Variants in DLG2 observed in about 807,000 individuals in gnomAD.
DLG2 encodes discs large MAGUK scaffold protein 2, also known as disks large homolog 2.
In DLG2, 45 loss-of-function variants were observed where a neutral mutation model predicts 132.5. The observed-to-expected ratio is 0.34, with a 90% CI of 0.27 to 0.44. The LOEUF (loss-of-function observed/expected upper bound fraction) is 0.44. DLG2 is among the 20% of genes least tolerant of loss of function. The probability of loss-of-function intolerance (pLI) is 1.00; values close to 1 mark genes in which losing one functional copy is unlikely to be tolerated. For missense variants in DLG2, 1,045 were observed against 1,196.9 expected (o/e 0.87, Z 1.87); for synonymous variants, 424 against 419.6 (o/e 1.01, Z -0.13).
intron 3 of DLG2, among the ~76,000 whole-genome samples, chr11:85,431,412 A>T (rs949196772): frequency 1.3e-5 from 2 of 152,180 alleles, no homozygotes; most frequent in East Asian, 3.9e-4. Context: ...CAACCCATGG[A>T]TCAGAAGATC....
chr11:83,486,560 A>G (rs1389394125), intron 21 of DLG2, among the ~76,000 whole-genome samples: 2 of 152,238 alleles, frequency 1.3e-5, no homozygotes, highest in East Asian at 1.9e-4. Context: ...TATGTTTCAA[A>G]GCAAGGACTA....
chr11:84,381,142 A>C (rs2098747864), intron 7 of DLG2, among the ~76,000 whole-genome samples: 1 of 152,068 alleles, frequency 6.6e-6, no homozygotes, highest in Non-Finnish European at 1.5e-5. Context: ...AAAATGACAA[A>C]TTTCCTGACA....
chr11:84,713,995 C>T (rs547180708), intron 6 of DLG2, among the ~76,000 whole-genome samples: 1 of 152,014 alleles, frequency 6.6e-6, no homozygotes. Flanking sequence ...TACAACTACA[C>T]TTTTAAAATA....
At chr11:84,540,647 T>C (rs576331788) in intron 6 of DLG2, among the ~76,000 whole-genome samples, 178 of 152,216 alleles carry the variant, frequency 1.2e-3, no homozygotes, top group South Asian at 4.2e-3. Flanking sequence ...TCCTCAAGGA[T>C]CTAGAACTAG....
intron 14 of DLG2, among the ~76,000 whole-genome samples, chr11:83,956,239 A>G (rs977110148): frequency 3.3e-5 from 5 of 152,148 alleles, no homozygotes; most frequent in African/African-American, 1.2e-4. Context: ...ATGCTGGACG[A>G]GAGCTTGGGA....
At chr11:84,850,896 G>A (rs961710918) in intron 6 of DLG2, among the ~76,000 whole-genome samples, 4 of 151,944 alleles carry the variant, frequency 2.6e-5, no homozygotes, top group Non-Finnish European at 5.9e-5. Flanking sequence ...TAAAAGTTCT[G>A]ACCAACTAAA....
chr11:85,410,894 C>T (rs1357863538), intron 3 of DLG2, among the ~76,000 whole-genome samples: 1 of 151,774 alleles, frequency 6.6e-6, no homozygotes, highest in Non-Finnish European at 1.5e-5. Context: ...TAGGTCGATG[C>T]TCATTATTGT....
At chr11:83,913,069 T>C (rs72945801) in intron 15 of DLG2, among the ~76,000 whole-genome samples, 12,430 of 152,198 alleles carry the variant, frequency 0.082, 676 homozygotes, top group Middle Eastern at 0.2. Flanking sequence ...TGTCAATCTG[T>C]GTGTTTGTGT....
intron 7 of DLG2, among the ~76,000 whole-genome samples, chr11:84,497,884 TA>T (rs1372475423): frequency 6.6e-6 from 1 of 152,046 alleles, no homozygotes; most frequent in Non-Finnish European, 1.5e-5. Context: ...AAGGAGACAT[TA>T]AAAGGTATCC....
intron 6 of DLG2, among the ~76,000 whole-genome samples, chr11:85,000,863 G>A (rs180739728): frequency 1.1e-4 from 16 of 151,994 alleles, no homozygotes; most frequent in Admixed American, 1.1e-3. Flanking sequence ...TGAGAACACA[G>A]CCTCATCATT....
chr11:85,362,168 C>G (rs2084203407), intron 3 of DLG2, among the ~76,000 whole-genome samples: 1 of 152,130 alleles, frequency 6.6e-6, no homozygotes, highest in Non-Finnish European at 1.5e-5. Context: ...GTTGCCCAGG[C>G]TGGTCTTGAA....
intron 3 of DLG2, among the ~76,000 whole-genome samples, chr11:85,442,693 T>C (rs1436713692): frequency 1.3e-5 from 2 of 151,766 alleles, no homozygotes; most frequent in Non-Finnish European, 2.9e-5. Context: ...AAGACCTGTC[T>C]CTACCTAAAT....
At chr11:85,254,971 C>CAGTG (rs2076593176) in intron 4 of DLG2, among the ~76,000 whole-genome samples, 1 of 150,444 alleles carries the variant, frequency 6.6e-6, no homozygotes. Flanking sequence ...TGCACTCCAG[C>CAGTG]CTGGGCAACA....
At position 84,605,701 on chromosome 11, in the gene DLG2, A is replaced by G. The variant is rs534562406; in HGVS notation, c.358-70970T>C. On this transcript the variant is annotated intron_variant, in intron 6 of 27. Coordinates refer to ENST00000376104, the MANE Select transcript of DLG2 (RefSeq NM_001142699.3). The stretch of plus-strand genomic sequence containing the variant: ...GCAAAAAATCCCAGAACTCCTGTCT[A>G]TTAGAAAGGTGTTTGGACTTCTTAA... 7.9e-5 allele frequency among the ~76,000 whole-genome samples: 12 copies of G among 151,940 alleles called. No individual in the cohort carries two copies. The South Asian group carries it at 1.0e-3, about 13-fold the overall frequency.
At chr11:84,205,512 C>T (rs1388050669) in intron 8 of DLG2, among the ~76,000 whole-genome samples, 2 of 150,412 alleles carry the variant, frequency 1.3e-5, no homozygotes, top group Non-Finnish European at 3.0e-5. Flanking sequence ...TTTCAAAGGA[C>T]TGAAAACATA....
intron 7 of DLG2, among the ~76,000 whole-genome samples, chr11:84,303,768 A>G (rs1221796415): frequency 6.6e-6 from 1 of 152,182 alleles, no homozygotes; most frequent in Non-Finnish European, 1.5e-5. Flanking sequence ...AGGAAACAAA[A>G]CAGTAAATCT....
At chr11:84,650,863 G>GTATATATAT (rs1417830252) in intron 6 of DLG2, among the ~76,000 whole-genome samples, 1,582 of 92,108 alleles carry the variant, frequency 0.017, 21 homozygotes, top group Non-Finnish European at 0.026. Context: ...GTGTGTGTGT[G>GTATATATAT]TGTGTGTGTG....
At chr11:84,498,746 ACT>A (rs1339299483) in intron 7 of DLG2, among the ~76,000 whole-genome samples, 1 of 152,014 alleles carries the variant, frequency 6.6e-6, no homozygotes, top group Non-Finnish European at 1.5e-5. Context: ...TTTTCAAAAC[ACT>A]CTCTTATATA....
intron 19 of DLG2, among the ~76,000 whole-genome samples, chr11:83,555,993 C>T (rs1000533416): frequency 1.3e-5 from 2 of 152,126 alleles, no homozygotes; most frequent in African/African-American, 4.8e-5. Flanking sequence ...TAGAGTAACA[C>T]CAGGGTGTCC....
Sources: gnomAD v4.1 joint callset for allele counts (sites outside exome capture counted in the v4.1 genomes callset) on GRCh38, gnomAD v4.1.1 for gene constraint, MANE v1.5 for transcripts, NCBI Gene and HGNC (gene_info 2026-07-23, HGNC 2026-07-21) for gene names.